METTL15: variants seen among roughly 807,000 people sequenced by gnomAD.
The protein encoded by METTL15 is methyltransferase 15, mitochondrial 12S rRNA N4-cytidine.
METTL15 carries 34 observed loss-of-function variants against 38.3 expected under a neutral mutation model. That is an observed-to-expected ratio of 0.89 (90% CI 0.68 to 1.18). METTL15 has a LOEUF of 1.18. Ranked by LOEUF, METTL15 falls within the 50% of genes most tolerant of loss-of-function variation. The pLI is 0.00. For synonymous variants in METTL15, 162 were observed against 170.9 expected, an observed-to-expected ratio of 0.95 and a Z score of 0.41; for missense variants, 438 against 498.4, an observed-to-expected ratio of 0.88 and a Z score of 1.15.
intron 5 of METTL15, among the ~76,000 whole-genome samples, chr11:28,390,951 T>C (rs1407532450): frequency 6.6e-6 from 1 of 152,184 alleles, no homozygotes; most frequent in Non-Finnish European, 1.5e-5. Context: ...TCACGTCCCT[T>C]GTAAGTTGGA....
chr11:28,319,965 C>T (rs539073661), intron 6 of METTL15, among the ~76,000 whole-genome samples: 1 of 152,306 alleles, frequency 6.6e-6, no homozygotes, highest in East Asian at 1.9e-4. Flanking sequence ...TTCTTCTTCA[C>T]TCTCATATGA....
At chr11:28,273,957 A>G (rs900909823) in intron 4 of METTL15, among the ~76,000 whole-genome samples, 2 of 152,080 alleles carry the variant, frequency 1.3e-5, no homozygotes, top group African/African-American at 4.8e-5. Flanking sequence ...TAAGATCTAC[A>G]TAAACTAAGC....
intron 3 of METTL15, among the ~76,000 whole-genome samples, chr11:28,138,257 C>CT (rs1849580421): frequency 6.6e-6 from 1 of 152,046 alleles, no homozygotes; most frequent in Non-Finnish European, 1.5e-5. Flanking sequence ...ATTCATTTGA[C>CT]TGAGAGAAAG....
intron 3 of METTL15, among the ~76,000 whole-genome samples, chr11:28,185,442 A>G (rs1189399458): frequency 2.6e-5 from 4 of 151,448 alleles, no homozygotes; most frequent in African/African-American, 4.8e-5. Context: ...ATTTGGATAG[A>G]TAATAAAAGT....
chr11:28,316,063 G>A (rs1327572519), intron 6 of METTL15, among the ~76,000 whole-genome samples: 1 of 152,220 alleles, frequency 6.6e-6, no homozygotes, highest in Non-Finnish European at 1.5e-5. Flanking sequence ...GCACCACTTA[G>A]TTCAGCTTTG....
intron 4 of METTL15, among the ~76,000 whole-genome samples, chr11:28,270,942 A>G (rs1475986559): frequency 2.0e-5 from 3 of 152,216 alleles, no homozygotes; most frequent in Non-Finnish European, 4.4e-5. Context: ...AGGGGAATAT[A>G]ATATCACATA....
At position 28,214,956 on chromosome 11, in the gene METTL15, T is replaced by C. The variant is rs568980278; in HGVS notation, c.407+3758T>C. 1.4e-3 allele frequency among the ~76,000 whole-genome samples: 215 copies of C among 152,090 alleles called. 1 individual carries two copies. Among genetic ancestry groups the C allele is most frequent in the African/African-American group, 4.4e-3 (184 of 41,482 alleles). On this transcript the variant is annotated intron_variant, in intron 4 of 6. Coordinates refer to ENST00000407364, the MANE Select transcript of METTL15 (RefSeq NM_001113528.2). ...CTGATACCCCTATAACAAAGAGAGG[T>C]TGACAAGAGAAAAGAATAACAAATT... is the stretch of plus-strand genomic sequence containing the variant.
chr11:28,233,273 T>C (rs1468866807), intron 4 of METTL15, among the ~76,000 whole-genome samples: 2 of 152,064 alleles, frequency 1.3e-5, no homozygotes, highest in South Asian at 2.1e-4. Context: ...AAAAGAAGAC[T>C]AAAGCTTTGT....
At chr11:28,385,650 A>T (rs1850432096) in intron 5 of METTL15, among the ~76,000 whole-genome samples, 1 of 152,096 alleles carries the variant, frequency 6.6e-6, no homozygotes, top group African/African-American at 2.4e-5. Flanking sequence ...GTTCCATGTG[A>T]ATTTTAAAAT....
chr11:28,258,939 C>G (rs1243521320), intron 4 of METTL15, among the ~76,000 whole-genome samples: 4 of 152,090 alleles, frequency 2.6e-5, no homozygotes, highest in Non-Finnish European at 5.9e-5. Flanking sequence ...TTTTCTCAAG[C>G]AGCAGGAGTC....
intron 5 of METTL15, among the ~76,000 whole-genome samples, chr11:28,376,399 G>C (rs1479092722): frequency 2.6e-5 from 4 of 152,046 alleles, no homozygotes; most frequent in Non-Finnish European, 5.9e-5. Context: ...TTGTTGAATT[G>C]ATCCCTTTAC....
intron 5 of METTL15, among the ~76,000 whole-genome samples, chr11:28,379,925 A>G (rs564335304): frequency 2.6e-5 from 4 of 152,264 alleles, no homozygotes; most frequent in South Asian, 2.1e-4. Context: ...TAATTGTCAT[A>G]TTCTCTTGCA....
At chr11:28,520,279 C>G (rs958094680) in intron 6 of METTL15, among the ~76,000 whole-genome samples, 3 of 151,878 alleles carry the variant, frequency 2.0e-5, no homozygotes, top group Non-Finnish European at 4.4e-5. Flanking sequence ...GTTGAGGCTG[C>G]AGTGAGCCGT....
intron 6 of METTL15, among the ~76,000 whole-genome samples, chr11:28,484,062 T>C (rs1851418331): frequency 6.6e-6 from 1 of 152,134 alleles, no homozygotes. Context: ...AGAAGATATA[T>C]ATGCATATAG....
At chr11:28,208,773 T>C (rs958325495) in intron 3 of METTL15, among the ~76,000 whole-genome samples, 2 of 152,004 alleles carry the variant, frequency 1.3e-5, no homozygotes, top group African/African-American at 2.4e-5. Context: ...GATTTTAAAC[T>C]GTGGTCTTAT....
At chr11:28,452,814 C>T (rs1851134355) in intron 6 of METTL15, among the ~76,000 whole-genome samples, 1 of 152,160 alleles carries the variant, frequency 6.6e-6, no homozygotes, top group South Asian at 2.1e-4. Context: ...TTTGGGAAAG[C>T]AGAACAATTG....
chr11:28,180,719 T>G (rs908670921), intron 3 of METTL15, among the ~76,000 whole-genome samples: 1 of 151,802 alleles, frequency 6.6e-6, no homozygotes, highest in African/African-American at 2.4e-5. Flanking sequence ...CAAGGTGATT[T>G]TGATAAGAAA....
rs878951618 is a variant in METTL15, at chr11:28,207,735, G to T, written c.271-3327G>T. Reference sequence around the variant, plus strand: ...TAGAATTTGGCTGTGAATCCATCTGGTCCTGGACCCTTTTTGGATGGTAAG... The same window carrying T: ...TAGAATTTGGCTGTGAATCCATCTGTTCCTGGACCCTTTTTGGATGGTAAG... On this transcript the variant is annotated intron_variant, in intron 3 of 6. Coordinates refer to ENST00000407364, the MANE Select transcript of METTL15 (RefSeq NM_001113528.2). 2.0e-5 allele frequency among the ~76,000 whole-genome samples: 3 copies of T among 152,200 alleles called. No individual in the cohort carries two copies. The East Asian group carries it at 5.8e-4, about 29-fold the overall frequency.
chr11:28,524,085 A>C (rs1281543168), intron 6 of METTL15, among the ~76,000 whole-genome samples: 4 of 152,262 alleles, frequency 2.6e-5, no homozygotes, highest in African/African-American at 7.2e-5. Context: ...AACTCAGAAT[A>C]ATCCAAATTG....
Sources: gnomAD v4.1 joint callset for allele counts (sites outside exome capture counted in the v4.1 genomes callset) on GRCh38, gnomAD v4.1.1 for gene constraint, MANE v1.5 for transcripts, NCBI Gene and HGNC (gene_info 2026-07-23, HGNC 2026-07-21) for gene names.